The following GXYLT1 variants were observed in gnomAD, a reference collection of about 807,000 sequenced individuals.
The protein encoded by GXYLT1 is glucoside xylosyltransferase 1, also known as glycosyltransferase 8 domain containing 3.
Under a neutral mutation model 54.0 loss-of-function variants are expected in GXYLT1, and 29 were observed. The ratio of observed to expected loss-of-function variants is 0.54; its 90% CI spans 0.40 to 0.73. GXYLT1 has a LOEUF of 0.73. GXYLT1 is among the 30% of genes least tolerant of loss of function. The pLI is 0.00. For missense variants in GXYLT1, 490 were observed against 553.4 expected (o/e 0.89, Z 1.15); for synonymous variants, 176 against 204.1 (o/e 0.86, Z 1.17).
rs765096099 is a variant in GXYLT1 at position 42,105,858 on chromosome 12, A to AT, written c.823dup (p.Met275AsnfsTer16). On this transcript the variant is annotated frameshift_variant, in exon 5 of 8. Coordinates refer to ENST00000398675, the MANE Select transcript of GXYLT1 (RefSeq NM_173601.2). LOFTEE classifies it high-confidence loss of function. ...TCTCATTCGAGTCATGTTCATCAAC[A>AT]TAACTCCAGAGTTTACTCCAGTTTT... The AT allele has an allele frequency of 4.3e-6, 7 of 1,613,462 alleles. No homozygotes were observed. The Admixed American group carries it at 1.0e-4, about 23-fold the overall frequency.
intron 5 of GXYLT1, among the ~76,000 whole-genome samples, chr12:42,100,264 T>C (rs76055313): frequency 1.3e-5 from 2 of 152,176 alleles, no homozygotes; most frequent in African/African-American, 4.8e-5. Context: ...AGTGTGCTAC[T>C]ATGTAAATTT....
intron 1 of GXYLT1, among the ~76,000 whole-genome samples, chr12:42,141,686 T>TA (rs1015552682): frequency 6.6e-6 from 1 of 152,144 alleles, no homozygotes; most frequent in Admixed American, 6.5e-5. Flanking sequence ...CTACTAAAGC[T>TA]AAAAAAATTT....
In GXYLT1 at chr12:42,098,031, ATTC is replaced by A; in HGVS notation, c.865-1_866del. 1 of 1,607,474 alleles carries A rather than the reference ATTC, an allele frequency of 6.2e-7. No homozygotes were observed. Among genetic ancestry groups the A allele is most frequent in the South Asian group, 1.1e-5 (1 of 89,304 alleles). On this transcript the variant is annotated splice_acceptor_variant and coding_sequence_variant, in exon 6 of 8. Transcript: ENST00000398675. LOFTEE classifies it high-confidence loss of function. ...ATTGTAGTCGTACAGTTGTCATATC[ATTC>A]TGTTGATAAAAACATTCAAAAGAGC... is the stretch of plus-strand genomic sequence containing the variant.
At chr12:42,135,151 A>G (rs2065612490) in intron 1 of GXYLT1, among the ~76,000 whole-genome samples, 1 of 152,226 alleles carries the variant, frequency 6.6e-6, no homozygotes, top group Middle Eastern at 3.2e-3. Flanking sequence ...TCAAAGTAGA[A>G]GCTTCAAATG....
At chr12:42,119,309 G>A in intron 2 of GXYLT1, 138 bp from the exon 3 acceptor site, 1 of 676,324 alleles carries the variant, frequency 1.5e-6, no homozygotes, top group Non-Finnish European at 2.6e-6. Context: ...GGGAAGCTAA[G>A]GCAGGAGGAT....
intron 3 of GXYLT1, among the ~76,000 whole-genome samples, chr12:42,110,277 T>C (rs964440968): frequency 6.6e-6 from 1 of 152,238 alleles, no homozygotes; most frequent in African/African-American, 2.4e-5. Context: ...GTACCCTAAA[T>C]GCATTTCAAG....
intron 3 of GXYLT1, among the ~76,000 whole-genome samples, chr12:42,114,433 C>T (rs539826776): frequency 6.6e-6 from 1 of 151,942 alleles, no homozygotes; most frequent in Admixed American, 6.6e-5. Flanking sequence ...CGCAATAAAA[C>T]ATGATAAAGG....
chr12:42,116,218 G>A (rs1022998479), intron 3 of GXYLT1, among the ~76,000 whole-genome samples: 1 of 151,952 alleles, frequency 6.6e-6, no homozygotes, highest in Non-Finnish European at 1.5e-5. Context: ...ACATAGGCAT[G>A]GGCAAGGACT....
intron 1 of GXYLT1, among the ~76,000 whole-genome samples, chr12:42,130,444 T>C (rs540071996): frequency 3.3e-5 from 5 of 152,082 alleles, no homozygotes; most frequent in Admixed American, 1.3e-4. Context: ...CCAGTTAAAA[T>C]GGTTATTATC....
intron 3 of GXYLT1, among the ~76,000 whole-genome samples, chr12:42,112,217 A>G (rs546057765): frequency 6.6e-6 from 1 of 152,332 alleles, no homozygotes; most frequent in East Asian, 1.9e-4. Context: ...GAAAAACTGG[A>G]AACTCTAAAA....
At chr12:42,101,216 TAAGA>T (rs1388323362) in intron 5 of GXYLT1, among the ~76,000 whole-genome samples, 3 of 151,776 alleles carry the variant, frequency 2.0e-5, no homozygotes, top group African/African-American at 7.3e-5. Flanking sequence ...TTCAAGTCAA[TAAGA>T]AAGAGAAAAC....
intron 4 of GXYLT1, among the ~76,000 whole-genome samples, chr12:42,109,288 G>T (rs939116030): frequency 6.6e-6 from 1 of 152,174 alleles, no homozygotes; most frequent in East Asian, 1.9e-4. Flanking sequence ...TCTATTCCTT[G>T]TTACAGATAA....
intron 7 of GXYLT1, among the ~76,000 whole-genome samples, chr12:42,091,758 T>C (rs1291815162): frequency 6.6e-6 from 1 of 152,244 alleles, no homozygotes; most frequent in African/African-American, 2.4e-5. Flanking sequence ...GTTAGCATTT[T>C]GTCTACCACC....
intron 3 of GXYLT1, 69 bp from the exon 4 acceptor site, chr12:42,109,760 G>C: frequency 9.6e-7 from 1 of 1,037,506 alleles, no homozygotes; most frequent in South Asian, 1.6e-5. Flanking sequence ...TAAAACAACA[G>C]ATTATAAAAC....
chr12:42,097,866 T>C lies in GXYLT1; in HGVS notation c.988+44A>G, dbSNP rs752639163. The C allele has an allele frequency of 5.0e-6, 7 of 1,412,052 alleles. No individual in the cohort carries two copies. In the East Asian group the frequency reaches 1.1e-4, roughly 23 times the overall value. 87.5% of individuals were successfully genotyped at this position (1,412,052 alleles called of 1,614,324 possible). ...TGTTTTCCTTTTTCACTAAGTATTA[T>C]CTGTGATTTTTTTAATGCAAATAAA... On this transcript the variant is annotated intron_variant, in intron 6 of 7. Transcript: ENST00000398675.
rs200314303 is a variant in GXYLT1 at position 42,105,895 on chromosome 12, G to C, written c.787C>G (p.Pro263Ala). The C allele has an allele frequency of 4.0e-5, 64 of 1,613,410 alleles. No individual in the cohort carries two copies. The Middle Eastern group carries it at 1.3e-3, about 33-fold the overall frequency. ...IGWYNRFARH[P>A]YYGKTGVNSG... Reference sequence around the variant, plus strand: ...TTTACTCCAGTTTTTCCATAATATGGATGCCTAGCAAAGCGATTATACCAT... The same window carrying C: ...TTTACTCCAGTTTTTCCATAATATGCATGCCTAGCAAAGCGATTATACCAT... Residue 263 changes from proline to alanine, a missense_variant, in exon 5 of 8, where the codon CCA (proline) becomes GCA (alanine). Around this residue, in one of 2 missense-constraint regions of GXYLT1, gnomAD observed 342 missense variants for 342.6 expected, o/e 1.00. Transcript: ENST00000398675.
At chr12:42,098,784 T>TATATATAA (rs1017764424) in intron 5 of GXYLT1, among the ~76,000 whole-genome samples, 85 of 134,416 alleles carry the variant, frequency 6.3e-4, no homozygotes, top group South Asian at 1.7e-3. Context: ...TATATATATA[T>TATATATAA]AATACATGTG....
At chr12:42,092,476 C>T (rs952311550) in intron 7 of GXYLT1, among the ~76,000 whole-genome samples, 1 of 152,114 alleles carries the variant, frequency 6.6e-6, no homozygotes, top group African/African-American at 2.4e-5. Context: ...TGGTCCTTAA[C>T]ATTCACAGAG....
chr12:42,135,962 G>C (rs1350594689), intron 1 of GXYLT1, among the ~76,000 whole-genome samples: 2 of 152,172 alleles, frequency 1.3e-5, no homozygotes, highest in African/African-American at 4.8e-5. Flanking sequence ...ATATAGGAAA[G>C]ATGTTTTTCT....
Sources: gnomAD v4.1 joint callset for allele counts (sites outside exome capture counted in the v4.1 genomes callset) on GRCh38, gnomAD v4.1.1 for gene constraint, gnomAD v4.1.1 regional missense constraint, MANE v1.5 for transcripts, NCBI Gene and HGNC (gene_info 2026-07-23, HGNC 2026-07-21) for gene names.